Variants in LOXHD1 observed in about 807,000 individuals in gnomAD.
LOXHD1 encodes lipoxygenase homology PLAT domains 1, also known as lipoxygenase homology domain-containing protein 1.
LOXHD1 carries 205 observed loss-of-function variants against 248.2 expected under a neutral mutation model. The observed-to-expected ratio is 0.83, with a 90% CI of 0.74 to 0.93. The LOEUF is 0.93. Among genes scored for constraint, LOXHD1 ranks in the 40% least tolerant of loss-of-function variants. The pLI is 0.00. For missense variants in LOXHD1, 2,930 were observed against 2,971.6 expected (o/e 0.99, Z 0.33); for synonymous variants, 1,113 against 1,162.8 (o/e 0.96, Z 0.87).
chr18:46,518,302 A>G (rs2035376917), intron 33 of LOXHD1, 46 bp from the exon 34 acceptor site: 1 of 1,542,722 alleles, frequency 6.5e-7, no homozygotes, highest in Non-Finnish European at 8.8e-7. Flanking sequence ...CTCACCCTCC[A>G]ACCCCACCTG....
chr18:46,580,482 T>A (rs1220265397), intron 12 of LOXHD1, among the ~76,000 whole-genome samples: 1 of 152,194 alleles, frequency 6.6e-6, no homozygotes, highest in Non-Finnish European at 1.5e-5. Flanking sequence ...TAGACCTGCA[T>A]CCCTGCATGC....
chr18:46,507,372 A>T (rs2034638008), intron 36 of LOXHD1, among the ~76,000 whole-genome samples, 166 bp downstream of exon 36: 1 of 152,154 alleles, frequency 6.6e-6, no homozygotes. Context: ...CTGGGAGGAG[A>T]TGCTTTGTCC....
chr18:46,506,874 G>C (rs749493529), intron 36 of LOXHD1, among the ~76,000 whole-genome samples: 1 of 152,178 alleles, frequency 6.6e-6, no homozygotes, highest in Non-Finnish European at 1.5e-5. Context: ...GGCTCCTGGA[G>C]AGCAGGCTTG....
chr18:46,602,802 A>G (rs2038358581), intron 7 of LOXHD1, among the ~76,000 whole-genome samples: 1 of 152,066 alleles, frequency 6.6e-6, no homozygotes. Flanking sequence ...ATAGGTCTCG[A>G]GCTTTATTTC....
At position 46,612,562 on chromosome 18, in the gene LOXHD1, T is replaced by C. The variant is rs533107345; in HGVS notation, c.611-1638A>G. Among the ~76,000 whole-genome samples, 15 of 152,268 alleles carry C rather than the reference T, an allele frequency of 9.9e-5. No homozygotes were observed. The South Asian group carries it at 3.1e-3, about 32-fold the overall frequency. ...TATATCTTTTATTCCATTTTTCTCTTGTCTTGTTTGCCTATGTTTATCATA... is the reference window on the plus strand; with the variant it reads ...TATATCTTTTATTCCATTTTTCTCTCGTCTTGTTTGCCTATGTTTATCATA... On this transcript the variant is annotated intron_variant, in intron 5 of 40. Coordinates refer to ENST00000642948, the MANE Select transcript of LOXHD1 (RefSeq NM_001384474.1).
intron 1 of LOXHD1, among the ~76,000 whole-genome samples, chr18:46,655,271 T>C (rs758110391): frequency 6.6e-6 from 1 of 152,244 alleles, no homozygotes; most frequent in Non-Finnish European, 1.5e-5. Context: ...GAAGTGGTGC[T>C]GATCCGCCTG....
intron 12 of LOXHD1, among the ~76,000 whole-genome samples, chr18:46,584,139 T>TA (rs1002628573): frequency 1.1e-4 from 16 of 151,460 alleles, no homozygotes; most frequent in Non-Finnish European, 1.3e-4. Flanking sequence ...TGGAATATTT[T>TA]AAAAAAAAGA....
chr18:46,574,615 TA>T (rs534992278), intron 14 of LOXHD1, among the ~76,000 whole-genome samples: 10,248 of 122,938 alleles, frequency 0.083, 351 homozygotes, highest in African/African-American at 0.1. Flanking sequence ...ACCCATTTTC[TA>T]AAAAAAAAAA....
At chr18:46,649,977 A>C (rs1017248157) in intron 1 of LOXHD1, among the ~76,000 whole-genome samples, 1 of 152,092 alleles carries the variant, frequency 6.6e-6, no homozygotes, top group East Asian at 1.9e-4. Context: ...AGATATTAGA[A>C]GGCTTGCAGA....
chr18:46,480,749 G>A (rs1318227982), intron 40 of LOXHD1, among the ~76,000 whole-genome samples: 1 of 152,158 alleles, frequency 6.6e-6, no homozygotes, highest in Admixed American at 6.5e-5. Flanking sequence ...TGAACATTGT[G>A]TATTAGAAAA....
At chr18:46,559,355 C>T (rs2037458986) in intron 20 of LOXHD1, 93 bp downstream of exon 20, 1 of 1,549,436 alleles carries the variant, frequency 6.5e-7, no homozygotes, top group Admixed American at 2.0e-5. Context: ...CTGCCAAACA[C>T]AGCAGCCATT....
chr18:46,575,827 C>T (rs146023460), intron 14 of LOXHD1, among the ~76,000 whole-genome samples: 1,550 of 152,310 alleles, frequency 0.01, 6 homozygotes, highest in Middle Eastern at 0.017. Context: ...AAATCTCCTA[C>T]TGCTCTCCCC....
chr18:46,621,408 A>G (rs1481427479), intron 4 of LOXHD1, among the ~76,000 whole-genome samples: 3 of 152,232 alleles, frequency 2.0e-5, no homozygotes, highest in Non-Finnish European at 2.9e-5. Flanking sequence ...TTTCCAAAAC[A>G]AGGCCCATGG....
intron 9 of LOXHD1, 94 bp downstream of exon 9, chr18:46,594,237 G>C: frequency 1.4e-6 from 2 of 1,472,134 alleles, no homozygotes; most frequent in South Asian, 1.3e-5. Context: ...AGCAGGAGTG[G>C]ACTGCCCTCA....
intron 37 of LOXHD1, among the ~76,000 whole-genome samples, chr18:46,493,379 G>A (rs901637237): frequency 7.9e-5 from 12 of 152,180 alleles, no homozygotes; most frequent in African/African-American, 2.7e-4. Flanking sequence ...AAATAAGTTT[G>A]TCTTTGTTTT....
chr18:46,511,087 G>A (rs1018237131), intron 34 of LOXHD1, among the ~76,000 whole-genome samples: 1 of 152,142 alleles, frequency 6.6e-6, no homozygotes, highest in African/African-American at 2.4e-5. Flanking sequence ...AGATTTTATG[G>A]TGGGACAGGT....
In LOXHD1 at chr18:46,506,077, C is replaced by T. The variant is rs888744668; in HGVS notation, c.5693-54G>A. On this transcript the variant is annotated intron_variant, in intron 36 of 40. Transcript: ENST00000642948. ...GTGCCAGCCTCTTTGACACACAGTC[C>T]TCTTGCTCTGGCCTTGATCCCGGAC... is the stretch of plus-strand genomic sequence containing the variant. The T allele has an allele frequency of 3.9e-6, 6 of 1,535,998 alleles. No homozygotes were observed. The African/African-American group carries it at 5.5e-5, about 14-fold the overall frequency.
At chr18:46,549,927 C>G (rs565871040) in intron 21 of LOXHD1, among the ~76,000 whole-genome samples, 4 of 152,124 alleles carry the variant, frequency 2.6e-5, no homozygotes, top group Non-Finnish European at 5.9e-5. Context: ...ATATTCCCAG[C>G]TTTTTTTGGC....
chr18:46,480,207 C>CT (rs1413730858), intron 40 of LOXHD1, among the ~76,000 whole-genome samples: 5 of 151,962 alleles, frequency 3.3e-5, no homozygotes, highest in African/African-American at 9.7e-5. Context: ...TCTAAACGTA[C>CT]TTTTTTTTGC....
Sources: allele counts gnomAD v4.1 joint callset (sites outside exome capture counted in the v4.1 genomes callset), GRCh38; gene constraint gnomAD v4.1.1; transcripts MANE v1.5; gene names NCBI Gene and HGNC (gene_info 2026-07-23, HGNC 2026-07-21).